HAO1: variants seen among roughly 807,000 people sequenced by gnomAD.
HAO1 encodes the protein hydroxyacid oxidase 1, also known as 2-Hydroxyacid oxidase 1.
Under a neutral mutation model 39.7 loss-of-function variants are expected in HAO1, and 34 were observed. The ratio of observed to expected loss-of-function variants is 0.86; its 90% confidence interval spans 0.65 to 1.14. The LOEUF is 1.14. Ranked by LOEUF, HAO1 falls within the 50% of genes most tolerant of loss-of-function variation. HAO1 has a pLI of 0.00. For missense variants in HAO1, 479 were observed against 464.5 expected, an observed-to-expected ratio of 1.03 and a Z score of -0.29; for synonymous variants, 172 against 173.2, an observed-to-expected ratio of 0.99 and a Z score of 0.05.
chr20:7,910,891 C>T (rs189918853), intron 3 of HAO1, among the ~76,000 whole-genome samples: 15 of 152,320 alleles, frequency 9.8e-5, no homozygotes, highest in African/African-American at 2.9e-4. Context: ...CCCCTGCCCC[C>T]ACCCTGTTAT....
At chr20:7,889,490 C>G (rs117739930) in intron 5 of HAO1, among the ~76,000 whole-genome samples, 3 of 152,072 alleles carry the variant, frequency 2.0e-5, no homozygotes, top group Admixed American at 1.3e-4. Flanking sequence ...ACTTCAAATC[C>G]AATCTGGATC....
rs1321252024 is a variant in HAO1 at position 7,934,511 on chromosome 20, C to T, written c.262G>A (p.Val88Met). ...GATAMQRMAHVDGELATVRAC... is the reference protein window; with the variant it reads ...GATAMQRMAHMDGELATVRAC... ...CTCACAGTGGCAAGCTCGCCGTCCA[C>T]ATGAGCCATGCGCTGCATGGCCGTA... The change falls in exon 2 of 8, where the codon GTG becomes ATG. Residue 88 changes from valine to methionine, a missense_variant. Physicochemically the swap from Val to Met is conservative, Grantham distance 21. Coordinates refer to ENST00000378789, the MANE Select transcript of HAO1 (RefSeq NM_017545.3). The T allele has an allele frequency of 1.2e-6, 2 of 1,612,372 alleles. No homozygotes were observed. Among genetic ancestry groups the T allele is most frequent in the Non-Finnish European group, 1.7e-6 (2 of 1,179,386 alleles).
Position 7,927,785 on chromosome 20 carries a change from T to C in HAO1, c.289+6699A>G, listed in dbSNP as rs1360448308. 2.0e-5 allele frequency among the ~76,000 whole-genome samples: 3 copies of C among 152,362 alleles called. No individual in the cohort carries two copies. In the East Asian group the frequency reaches 5.8e-4, roughly 29 times the overall value. ...ATATTTTAAGATGATAGCATAGTGC[T>C]TGCCTTAGGATTCTTGCTACAGTTA... On this transcript the variant is annotated intron_variant, in intron 2 of 7. Coordinates refer to ENST00000378789, the MANE Select transcript of HAO1 (RefSeq NM_017545.3).
At chr20:7,898,235 A>T (rs1266445643) in intron 4 of HAO1, among the ~76,000 whole-genome samples, 1 of 152,104 alleles carries the variant, frequency 6.6e-6, no homozygotes, top group Non-Finnish European at 1.5e-5. Flanking sequence ...CCTCTCTGCC[A>T]TCCTTGCAGA....
chr20:7,903,436 A>G (rs924448928), intron 4 of HAO1, among the ~76,000 whole-genome samples: 1 of 152,232 alleles, frequency 6.6e-6, no homozygotes. Context: ...ATGGATGAGA[A>G]GAAAAGAGAG....
At chr20:7,934,442 G>A (rs761710444) in intron 2 of HAO1, 42 bp downstream of exon 2, 11 of 1,528,608 alleles carry the variant, frequency 7.2e-6, no homozygotes, top group Middle Eastern at 3.5e-4. Context: ...GTCGATAAAC[G>A]TTAGCCTCCT....
Position 7,883,424 on chromosome 20 carries a change from A to G in HAO1, c.*169T>C, listed in dbSNP as rs1600103003. Reference sequence around the variant, plus strand: ...AAAAGGTTCCTAGGACACCCATTGAAAAGTCAAAAGCAATGAAATAAAAGG... The same window carrying G: ...AAAAGGTTCCTAGGACACCCATTGAGAAGTCAAAAGCAATGAAATAAAAGG... On this transcript the variant is annotated 3_prime_UTR_variant, in exon 8 of 8. Transcript: ENST00000378789. The G allele has an allele frequency of 5.0e-6, 3 of 602,586 alleles. No homozygotes were observed. The East Asian group carries it at 8.2e-5, about 17-fold the overall frequency. The allele number at this position is 602,586 out of a possible 1,614,324, so 37.3% of individuals were successfully genotyped here.
At chr20:7,939,115 G>T (rs1236579072) in intron 1 of HAO1, among the ~76,000 whole-genome samples, 1 of 152,070 alleles carries the variant, frequency 6.6e-6, no homozygotes, top group Non-Finnish European at 1.5e-5. Flanking sequence ...TTTTAAATGA[G>T]TCCAAAATAG....
chr20:7,932,431 T>G (rs1465831146), intron 2 of HAO1, among the ~76,000 whole-genome samples: 1 of 152,192 alleles, frequency 6.6e-6, no homozygotes, highest in East Asian at 1.9e-4. Context: ...TGTCCCTTTA[T>G]CTCTACTCTT....
Position 7,934,618 on chromosome 20 carries a change from C to T in HAO1, c.155G>A (p.Arg52Lys). ...AAFSRWKLYP[R>K]MLRNVAETDL... is the part of the protein sequence containing the mutation. The stretch of plus-strand genomic sequence containing the variant: ...TGTTTCAGCAACATTCCGGAGCATC[C>T]TTGGATACAGCTTCCATCTAGAATT... The change falls in exon 2 of 8, where the codon AGG (arginine) becomes AAG (lysine). Residue 52 changes from arginine (R) to lysine (K), a missense_variant. Arg to Lys is a conservative substitution (Grantham distance 26, BLOSUM62 2). Coordinates refer to ENST00000378789, the MANE Select transcript of HAO1 (RefSeq NM_017545.3). 6.2e-7 allele frequency: 1 copy of T among 1,604,354 alleles called. No individual in the cohort carries two copies. The highest frequency in any genetic ancestry group is 8.5e-7 in the Non-Finnish European group (1 of 1,174,264).
At chr20:7,932,713 A>G (rs934078839) in intron 2 of HAO1, among the ~76,000 whole-genome samples, 3 of 152,138 alleles carry the variant, frequency 2.0e-5, no homozygotes, top group Non-Finnish European at 4.4e-5. Flanking sequence ...TTTATGCATC[A>G]TATTTTTTGC....
chr20:7,893,616 T>C (rs1163258937), intron 5 of HAO1, among the ~76,000 whole-genome samples: 3 of 152,122 alleles, frequency 2.0e-5, no homozygotes, highest in Non-Finnish European at 4.4e-5. Context: ...TCATCTGGTA[T>C]TGTGGCCTTC....
chr20:7,895,322 C>A, intron 4 of HAO1, 98 bp from the exon 5 acceptor site: 1 of 749,492 alleles, frequency 1.3e-6, no homozygotes, highest in Non-Finnish European at 2.4e-6. Context: ...GGCTGACTCC[C>A]ATCTGCATAC....
At chr20:7,938,999 A>C (rs2050427049) in intron 1 of HAO1, among the ~76,000 whole-genome samples, 1 of 152,228 alleles carries the variant, frequency 6.6e-6, no homozygotes, top group African/African-American at 2.4e-5. Context: ...CCTTGGTTGT[A>C]ATAACCTATT....
rs566703425 is a variant in HAO1, at chr20:7,933,024, G to A, written c.289+1460C>T. ...CTGCCTGATCTTAAAATAAAAATTCGATATACGGAAAATAAAATAGATGGT... is the reference window on the plus strand; with the variant it reads ...CTGCCTGATCTTAAAATAAAAATTCAATATACGGAAAATAAAATAGATGGT... On this transcript the variant is annotated intron_variant, in intron 2 of 7. Transcript: ENST00000378789. Among the ~76,000 whole-genome samples, 7 of 152,024 alleles carry A rather than the reference G, an allele frequency of 4.6e-5. No homozygotes were observed. The East Asian group carries it at 1.2e-3, about 25-fold the overall frequency.
chr20:7,883,366 A>C lies in HAO1; in HGVS notation c.*227T>G. The C allele has an allele frequency of 1.8e-6, 1 of 547,548 alleles. No homozygotes were observed. Among genetic ancestry groups the C allele is most frequent in the Non-Finnish European group, 3.3e-6 (1 of 305,618 alleles). The allele number at this position is 547,548 out of a possible 1,614,324, so 33.9% of individuals were successfully genotyped here. A position where few individuals can be genotyped will look rare whatever the true frequency, so the allele number is the denominator to read the frequency against. ...TTCAATGTTTTCTTTTTAACAGTTA[A>C]TATATTTCCAGGATGAAAGTCCATT... On this transcript the variant is annotated 3_prime_UTR_variant, in exon 8 of 8. Transcript: ENST00000378789.
chr20:7,907,239 A>G (rs912622178), intron 3 of HAO1, among the ~76,000 whole-genome samples: 1 of 152,024 alleles, frequency 6.6e-6, no homozygotes, highest in Non-Finnish European at 1.5e-5. Flanking sequence ...CAACGACAAG[A>G]GCTTTTCAAT....
At chr20:7,936,059 C>T (rs766126863) in intron 1 of HAO1, among the ~76,000 whole-genome samples, 17 of 152,068 alleles carry the variant, frequency 1.1e-4, no homozygotes, top group Non-Finnish European at 2.1e-4. Flanking sequence ...CTTCCTGTAG[C>T]GGAAGAAGAA....
chr20:7,936,548 TCG>T (rs376229165), intron 1 of HAO1, among the ~76,000 whole-genome samples: 1,222 of 50,624 alleles, frequency 0.024, 30 homozygotes, highest in African/African-American at 0.063. Context: ...GTGTGTGTGT[TCG>T]CGCGCGCGCG....
Sources: gnomAD v4.1 joint callset for allele counts (sites outside exome capture counted in the v4.1 genomes callset) on GRCh38, gnomAD v4.1.1 for gene constraint, MANE v1.5 for transcripts, NCBI Gene and HGNC (gene_info 2026-07-23, HGNC 2026-07-21) for gene names.